The following SGCD variants were observed in gnomAD, a reference collection of about 807,000 sequenced individuals.
SGCD encodes the protein delta-sarcoglycan.
Under a neutral mutation model 36.6 loss-of-function variants are expected in SGCD, and 18 were observed. That is an observed-to-expected ratio of 0.49 (90% CI 0.34 to 0.73). SGCD has a LOEUF of 0.73. Ranked by LOEUF, SGCD falls within the 30% of genes least tolerant of loss-of-function variation. The pLI is 0.01. For synonymous variants in SGCD, 133 were observed against 130.6 expected (o/e 1.02, Z -0.12); for missense variants, 387 against 346.7 (o/e 1.12, Z -0.92).
At chr5:156,547,731 T>C (rs1758638961) in intron 4 of SGCD, among the ~76,000 whole-genome samples, 1 of 152,098 alleles carries the variant, frequency 6.6e-6, no homozygotes, top group South Asian at 2.1e-4. Context: ...CACGAGCCGA[T>C]AATATCATTT....
intron 3 of SGCD, among the ~76,000 whole-genome samples, chr5:156,202,736 T>G (rs1158786452): frequency 6.8e-6 from 1 of 146,876 alleles, no homozygotes; most frequent in African/African-American, 2.5e-5. Context: ...GAAAACGCAG[T>G]GGAGTAGCAG....
At chr5:155,860,648 T>C in the SGCD span, among the ~76,000 whole-genome samples, 1 of 152,202 alleles carries the variant, frequency 6.6e-6, no homozygotes, top group African/African-American at 2.4e-5. Context: ...TTGCATCTCA[T>C]TTTACCAGGT....
chr5:156,423,726 C>G (rs1773535597), intron 3 of SGCD, among the ~76,000 whole-genome samples: 1 of 151,780 alleles, frequency 6.6e-6, no homozygotes, highest in Non-Finnish European at 1.5e-5. Context: ...CTGAAATCTT[C>G]TAATCAATTC....
intron 1 of SGCD, among the ~76,000 whole-genome samples, chr5:155,995,083 G>A (rs1426187851): frequency 2.0e-5 from 3 of 152,272 alleles, no homozygotes; most frequent in Admixed American, 1.3e-4. Context: ...CTTCTTATGG[G>A]TACACACATT....
intron 6 of SGCD, among the ~76,000 whole-genome samples, chr5:156,612,451 G>C (rs1488890412): frequency 6.6e-6 from 1 of 152,228 alleles, no homozygotes; most frequent in Non-Finnish European, 1.5e-5. Flanking sequence ...TGGGCTTGGT[G>C]CATTTGGCTA....
intron 3 of SGCD, among the ~76,000 whole-genome samples, chr5:156,316,834 G>A (rs191509447): frequency 2.0e-5 from 3 of 152,148 alleles, no homozygotes; most frequent in African/African-American, 7.2e-5. Flanking sequence ...CTGAATGAGG[G>A]AGATTGGAGG....
chr5:155,814,563 C>T, the SGCD span, among the ~76,000 whole-genome samples: 18 of 152,174 alleles, frequency 1.2e-4, no homozygotes, highest in African/African-American at 4.3e-4. Flanking sequence ...GCTGACCAGA[C>T]CATAAATGGC....
intron 4 of SGCD, among the ~76,000 whole-genome samples, chr5:156,515,529 G>A (rs1316646277): frequency 6.6e-5 from 10 of 152,186 alleles, no homozygotes; most frequent in Non-Finnish European, 1.2e-4. Flanking sequence ...TGGAGTGATG[G>A]CCCACCTGGG....
At chr5:156,286,083 G>T (rs1235433361) in intron 3 of SGCD, among the ~76,000 whole-genome samples, 14 of 152,066 alleles carry the variant, frequency 9.2e-5, no homozygotes, top group African/African-American at 1.7e-4. Context: ...ATGCTCATCA[G>T]CACTGGCCAT....
intron 3 of SGCD, among the ~76,000 whole-genome samples, chr5:156,468,821 G>A (rs879618178): frequency 4.6e-5 from 7 of 152,022 alleles, no homozygotes; most frequent in African/African-American, 9.7e-5. Context: ...GTGAAACCCC[G>A]CCTCTACTAA....
intron 3 of SGCD, among the ~76,000 whole-genome samples, chr5:156,206,760 T>C (rs927873509): frequency 6.6e-6 from 1 of 152,076 alleles, no homozygotes; most frequent in African/African-American, 2.4e-5. Context: ...GCTGCTTCTT[T>C]GTCTCATTTT....
the SGCD span, among the ~76,000 whole-genome samples, chr5:155,777,360 G>T: frequency 3.0e-3 from 423 of 139,980 alleles, 1 homozygote; most frequent in African/African-American, 8.0e-3. Flanking sequence ...TAGTTTTTTT[G>T]TTTTTTTTTT....
intron 3 of SGCD, chr5:156,393,817 C>G (rs1318257946): frequency 2.2e-6 from 1 of 456,290 alleles, no homozygotes; most frequent in South Asian, 1.5e-5. Context: ...TGAGAGGAGC[C>G]AGAACCAGGA....
the SGCD span, among the ~76,000 whole-genome samples, chr5:155,740,474 C>A: frequency 6.6e-6 from 1 of 152,110 alleles, no homozygotes; most frequent in Non-Finnish European, 1.5e-5. Flanking sequence ...ATGCAAAAAT[C>A]ACTCAAACTG....
chr5:156,192,423 G>A (rs539041581), intron 3 of SGCD, among the ~76,000 whole-genome samples: 1 of 152,200 alleles, frequency 6.6e-6, no homozygotes, highest in East Asian at 1.9e-4. Context: ...TAAAAAAGTT[G>A]ATCTCATGGT....
chr5:155,796,215 A>G, the SGCD span, among the ~76,000 whole-genome samples: 1 of 152,208 alleles, frequency 6.6e-6, no homozygotes, highest in Non-Finnish European at 1.5e-5. Flanking sequence ...ACCAAGCCTT[A>G]TCACATACCA....
chr5:155,739,583 C>T, the SGCD span, among the ~76,000 whole-genome samples: 1 of 152,204 alleles, frequency 6.6e-6, no homozygotes, highest in Non-Finnish European at 1.5e-5. Context: ...CTTTCCATTA[C>T]AGAATTTAGG....
intron 3 of SGCD, among the ~76,000 whole-genome samples, chr5:156,380,098 T>TCTA (rs1770896283): frequency 6.6e-6 from 1 of 152,158 alleles, no homozygotes; most frequent in Non-Finnish European, 1.5e-5. Flanking sequence ...GAGTTCTTGG[T>TCTA]GGTTGAGTCT....
At chr5:156,424,057 C>A (rs1304100053) in intron 3 of SGCD, among the ~76,000 whole-genome samples, 1 of 151,994 alleles carries the variant, frequency 6.6e-6, no homozygotes, top group Non-Finnish European at 1.5e-5. Context: ...GGGCTCTAAT[C>A]TTATTTTAAA....
Sources: gnomAD v4.1 joint callset for allele counts (sites outside exome capture counted in the v4.1 genomes callset) on GRCh38, gnomAD v4.1.1 for gene constraint, MANE v1.5 for transcripts, NCBI Gene and HGNC (gene_info 2026-07-23, HGNC 2026-07-21) for gene names.